Variants in TBCA observed in about 807,000 individuals in gnomAD.
The protein encoded by TBCA is tubulin-specific chaperone A.
TBCA carries 6 observed loss-of-function variants against 15.8 expected under a neutral mutation model. That is an observed-to-expected ratio of 0.38 (90% CI 0.21 to 0.75). The LOEUF is 0.75. Ranked by LOEUF, TBCA falls within the 30% of genes least tolerant of loss-of-function variation. TBCA has a pLI of 0.46. For synonymous variants in TBCA, 32 were observed against 42.3 expected, an observed-to-expected ratio of 0.76 and a Z score of 0.94; for missense variants, 90 against 131.2, an observed-to-expected ratio of 0.69 and a Z score of 1.53.
chr5:77,749,245 CTGAG>C (rs1292985243), intron 1 of TBCA, among the ~76,000 whole-genome samples: 1 of 152,218 alleles, frequency 6.6e-6, no homozygotes, highest in Non-Finnish European at 1.5e-5. Flanking sequence ...AGTGTCAACA[CTGAG>C]TGAGTCACAA....
At position 77,758,081 on chromosome 5, in the gene TBCA, G is replaced by A. The variant is rs558382868; in HGVS notation, c.53+18124C>T. Among the ~76,000 whole-genome samples, 6 of 152,314 alleles carry A rather than the reference G, an allele frequency of 3.9e-5. No individual in the cohort carries two copies. The South Asian group carries it at 8.3e-4, about 21-fold the overall frequency. ...ACAGGAAAGGAAAGTACACTTGGAA[G>A]AGACCTGAGAGGGTAACCTAAAGTA... On this transcript the variant is annotated intron_variant, in intron 1 of 3. Coordinates refer to ENST00000380377, the MANE Select transcript of TBCA (RefSeq NM_004607.3).
chr5:77,732,575 A>G (rs1001698582), intron 1 of TBCA, among the ~76,000 whole-genome samples: 2 of 146,606 alleles, frequency 1.4e-5, no homozygotes, highest in African/African-American at 4.9e-5. Context: ...AAAAAAAAAA[A>G]AATTGAAGGT....
At chr5:77,692,299 A>T in intron 3 of TBCA, 1 of 985,432 alleles carries the variant, frequency 1.0e-6, no homozygotes, top group Non-Finnish European at 1.2e-6. Context: ...TGCTTAGCTC[A>T]AACTATACGT....
intron 1 of TBCA, chr5:77,715,109 G>A (rs1580103346): frequency 1.6e-6 from 1 of 617,250 alleles, no homozygotes; most frequent in Admixed American, 2.8e-5. Context: ...GAGGACACAT[G>A]AGTTAAGATT....
chr5:77,692,265 C>T, intron 3 of TBCA: 2 of 985,268 alleles, frequency 2.0e-6, no homozygotes, highest in Non-Finnish European at 2.4e-6. Context: ...AATATGAAAA[C>T]TGAAAGCAAA....
chr5:77,705,189 T>C (rs1746120788), intron 2 of TBCA, among the ~76,000 whole-genome samples: 1 of 152,206 alleles, frequency 6.6e-6, no homozygotes. Context: ...TAAAATTTTA[T>C]TTAGAAAGGG....
At chr5:77,722,719 G>C (rs1746552684) in intron 1 of TBCA, among the ~76,000 whole-genome samples, 2 of 151,846 alleles carry the variant, frequency 1.3e-5, no homozygotes, top group South Asian at 4.1e-4. Flanking sequence ...TGATGAAAAA[G>C]TAATATGCAA....
chr5:77,763,032 A>G (rs970199508), intron 1 of TBCA, among the ~76,000 whole-genome samples: 1 of 152,192 alleles, frequency 6.6e-6, no homozygotes, highest in Non-Finnish European at 1.5e-5. Flanking sequence ...TCACGAGGTC[A>G]GGAGATAGAG....
intron 2 of TBCA, 57 bp downstream of exon 2, chr5:77,708,185 T>C (rs1010771561): frequency 2.5e-6 from 3 of 1,185,830 alleles, no homozygotes; most frequent in Non-Finnish European, 3.7e-6. Flanking sequence ...AAAAACTACA[T>C]TAGTTAATAT....
intron 1 of TBCA, among the ~76,000 whole-genome samples, chr5:77,738,764 GTA>G: frequency 6.6e-6 from 1 of 152,200 alleles, no homozygotes; most frequent in East Asian, 1.9e-4. Flanking sequence ...TGTATTTTTA[GTA>G]GAGACAGGGT....
At chr5:77,715,248 C>T (rs1746371343) in intron 1 of TBCA, 1 of 702,220 alleles carries the variant, frequency 1.4e-6, no homozygotes, top group Non-Finnish European at 2.6e-6. Flanking sequence ...TAATGTACTC[C>T]AGCAAATTGA....
intron 3 of TBCA, chr5:77,691,973 G>T: frequency 1.0e-6 from 1 of 986,170 alleles, no homozygotes; most frequent in Non-Finnish European, 1.2e-6. Context: ...TTAAACAAAT[G>T]AATTGCCTGC....
chr5:77,710,400 C>T (rs1047484591), intron 1 of TBCA, among the ~76,000 whole-genome samples: 6 of 152,062 alleles, frequency 3.9e-5, no homozygotes, highest in African/African-American at 1.4e-4. Flanking sequence ...ATGCATATCA[C>T]AAAAGATATT....
At chr5:77,729,720 A>G (rs1746719394) in intron 1 of TBCA, among the ~76,000 whole-genome samples, 1 of 152,246 alleles carries the variant, frequency 6.6e-6, no homozygotes, top group Non-Finnish European at 1.5e-5. Flanking sequence ...TCCCCTGGAC[A>G]GCACTTAGAT....
chr5:77,714,513 T>C (rs1340491810), intron 1 of TBCA, among the ~76,000 whole-genome samples: 1 of 152,002 alleles, frequency 6.6e-6, no homozygotes, highest in East Asian at 1.9e-4. Flanking sequence ...TTTATAACTA[T>C]AATAAAAGGT....
chr5:77,762,938 A>T (rs1747676969), intron 1 of TBCA, among the ~76,000 whole-genome samples: 1 of 152,204 alleles, frequency 6.6e-6, no homozygotes, highest in African/African-American at 2.4e-5. Context: ...TTTATCTTGG[A>T]GACGCTTGTT....
chr5:77,765,521 T>C (rs1246435709), intron 1 of TBCA, among the ~76,000 whole-genome samples: 2 of 152,220 alleles, frequency 1.3e-5, no homozygotes, highest in East Asian at 1.9e-4. Context: ...AGTCCTTACA[T>C]GAAGTCCTTC....
chr5:77,713,387 G>A (rs990390226), intron 1 of TBCA, among the ~76,000 whole-genome samples: 1 of 152,026 alleles, frequency 6.6e-6, no homozygotes, highest in Non-Finnish European at 1.5e-5. Flanking sequence ...AGCTGTTAGT[G>A]ATTGTGAAGT....
intron 1 of TBCA, among the ~76,000 whole-genome samples, chr5:77,763,850 C>G (rs1281807705): frequency 6.6e-6 from 1 of 152,200 alleles, no homozygotes; most frequent in Non-Finnish European, 1.5e-5. Context: ...AAGATGAATA[C>G]TCACATACTT....
Sources: allele counts gnomAD v4.1 joint callset (sites outside exome capture counted in the v4.1 genomes callset), GRCh38; gene constraint gnomAD v4.1.1; transcripts MANE v1.5; gene names NCBI Gene and HGNC (gene_info 2026-07-23, HGNC 2026-07-21).